Variants in PEX14 observed in about 807,000 individuals in gnomAD.
PEX14 encodes peroxisomal biogenesis factor 14.
PEX14 carries 15 observed loss-of-function variants against 49.5 expected under a neutral mutation model. The observed-to-expected ratio is 0.30, with a 90% CI of 0.20 to 0.47. The LOEUF is 0.47. PEX14 is among the 20% of genes least tolerant of loss of function. The pLI is 1.00. For missense variants in PEX14, 398 were observed against 494.8 expected, an observed-to-expected ratio of 0.80 and a Z score of 1.86; for synonymous variants, 210 against 212.7, an observed-to-expected ratio of 0.99 and a Z score of 0.11.
chr1:10,608,067 A>G (rs953089881), intron 4 of PEX14, among the ~76,000 whole-genome samples: 2 of 152,148 alleles, frequency 1.3e-5, no homozygotes, highest in Non-Finnish European at 2.9e-5. Context: ...TCACGGGCTC[A>G]AGTGATCCTC....
chr1:10,535,599 G>A (rs922129682), intron 2 of PEX14, among the ~76,000 whole-genome samples: 3 of 152,192 alleles, frequency 2.0e-5, no homozygotes, highest in Non-Finnish European at 4.4e-5. Flanking sequence ...TGCTTGCAGC[G>A]TAGTTGGGGA....
At chr1:10,485,151 C>A (rs1641345725) in intron 1 of PEX14, among the ~76,000 whole-genome samples, 2 of 151,548 alleles carry the variant, frequency 1.3e-5, no homozygotes, top group South Asian at 4.1e-4. Flanking sequence ...TTTGCGAGGA[C>A]ATATTCTTCA....
chr1:10,626,621 A>G (rs1314934395), intron 7 of PEX14, among the ~76,000 whole-genome samples: 1 of 152,206 alleles, frequency 6.6e-6, no homozygotes, highest in Non-Finnish European at 1.5e-5. Context: ...GAGCAGTATC[A>G]GGAGAGCTGG....
chr1:10,530,012 G>A (rs1390940233), intron 2 of PEX14, among the ~76,000 whole-genome samples: 1 of 152,160 alleles, frequency 6.6e-6, no homozygotes, highest in Non-Finnish European at 1.5e-5. Flanking sequence ...TTACCCAGGT[G>A]CAGGAGGCTA....
intron 5 of PEX14, among the ~76,000 whole-genome samples, chr1:10,620,046 C>T (rs1450599704): frequency 2.0e-5 from 3 of 151,850 alleles, no homozygotes; most frequent in Admixed American, 6.6e-5. Context: ...ACCTGGGAGG[C>T]GGAGCTTGCA....
intron 3 of PEX14, among the ~76,000 whole-genome samples, chr1:10,577,541 T>TAC (rs1640162179): frequency 4.1e-3 from 13 of 3,134 alleles, no homozygotes; most frequent in Non-Finnish European, 6.1e-3. Flanking sequence ...TATATATATA[T>TAC]ATATATATAT....
chr1:10,577,710 C>T (rs770696726), intron 3 of PEX14, among the ~76,000 whole-genome samples: 59 of 146,586 alleles, frequency 4.0e-4, no homozygotes, highest in Non-Finnish European at 7.5e-4. Flanking sequence ...ACGCCATTCT[C>T]CTGCCTCAGC....
At chr1:10,574,528 T>G (rs1055826278) in intron 3 of PEX14, among the ~76,000 whole-genome samples, 1 of 152,188 alleles carries the variant, frequency 6.6e-6, no homozygotes, top group Non-Finnish European at 1.5e-5. Context: ...TTAGTGCTAC[T>G]CATTATTAGA....
intron 2 of PEX14, among the ~76,000 whole-genome samples, chr1:10,530,470 C>T (rs547186912): frequency 1.3e-5 from 2 of 152,344 alleles, no homozygotes; most frequent in African/African-American, 4.8e-5. Flanking sequence ...TTTGGCTCTG[C>T]GCTTCTGCCG....
chr1:10,619,596 T>G (rs1641533506), intron 5 of PEX14, among the ~76,000 whole-genome samples: 1 of 152,024 alleles, frequency 6.6e-6, no homozygotes, highest in Non-Finnish European at 1.5e-5. Context: ...ATTACAGGCT[T>G]GAGCCACCGT....
At position 10,495,260 on chromosome 1, in the gene PEX14, A is replaced by G. The variant is rs757529825; in HGVS notation, c.37-14A>G. On this transcript the variant is annotated splice_polypyrimidine_tract_variant and intron_variant, in intron 1 of 8. Coordinates refer to ENST00000356607, the MANE Select transcript of PEX14 (RefSeq NM_004565.3). This position sits in a 1 kb window ranked among gnomAD's most constrained non-coding sequence, Gnocchi z 4.2. ...GCACTGTGATCTTATTTTTGTTTCC[A>G]TTTTTCTCTGCAGCCAAGCTCTACT... is the stretch of plus-strand genomic sequence containing the variant. 1.2e-6 allele frequency: 2 copies of G among 1,613,168 alleles called. No homozygotes were observed. The highest frequency in any genetic ancestry group is 2.7e-5 in the African/African-American group (2 of 74,678).
chr1:10,566,482 T>C (rs998970898), intron 3 of PEX14, among the ~76,000 whole-genome samples: 3 of 134,922 alleles, frequency 2.2e-5, no homozygotes, highest in African/African-American at 7.8e-5. Context: ...TATCATTTCT[T>C]TTATGACTTC....
chr1:10,557,079 T>A (rs955719537), intron 3 of PEX14, among the ~76,000 whole-genome samples: 2 of 152,200 alleles, frequency 1.3e-5, no homozygotes, highest in Non-Finnish European at 2.9e-5. Context: ...TTTTCCCTGC[T>A]TGATACTAGG....
At chr1:10,545,805 A>G (rs1192809665) in intron 3 of PEX14, among the ~76,000 whole-genome samples, 1 of 152,226 alleles carries the variant, frequency 6.6e-6, no homozygotes, top group Non-Finnish European at 1.5e-5. Flanking sequence ...ACACTTTGGG[A>G]GACTGAGACA....
chr1:10,534,120 C>G (rs1004154830), intron 2 of PEX14, among the ~76,000 whole-genome samples: 1 of 152,194 alleles, frequency 6.6e-6, no homozygotes, highest in Non-Finnish European at 1.5e-5. Flanking sequence ...TGCTTAAGAC[C>G]TGTTCATCCA....
intron 1 of PEX14, among the ~76,000 whole-genome samples, chr1:10,478,993 C>T (rs894712878): frequency 5.3e-5 from 8 of 151,996 alleles, no homozygotes; most frequent in Admixed American, 1.3e-4. Flanking sequence ...CCTCGTGATC[C>T]GCCCACCTCG....
At chr1:10,547,026 G>C (rs1485706179) in intron 3 of PEX14, among the ~76,000 whole-genome samples, 2 of 152,152 alleles carry the variant, frequency 1.3e-5, no homozygotes, top group Non-Finnish European at 2.9e-5. Context: ...CCTCTGTCCT[G>C]ATCAAGCAGT....
intron 2 of PEX14, among the ~76,000 whole-genome samples, chr1:10,505,781 A>G (rs954377746): frequency 6.6e-6 from 1 of 151,836 alleles, no homozygotes; most frequent in African/African-American, 2.4e-5. Flanking sequence ...CCCGGGTTCA[A>G]GTGATTCTTG....
At position 10,514,501 on chromosome 1, in the gene PEX14, A is replaced by G. The variant is rs1025779386; in HGVS notation, c.84+19180A>G. Among the ~76,000 whole-genome samples the G allele has an allele frequency of 2.0e-5, 3 of 152,056 alleles. No homozygotes were observed. The highest frequency in any genetic ancestry group is 6.6e-5 in the Admixed American group (1 of 15,260). On this transcript the variant is annotated intron_variant, in intron 2 of 8. Coordinates refer to ENST00000356607, the MANE Select transcript of PEX14 (RefSeq NM_004565.3). The surrounding 1 kb of genome is among the most constrained non-coding windows in gnomAD (Gnocchi z 4.4). ...CTTCTTGGTGAGTAGCTAATACCTTATTTTGTTCAAGGTTCCACGTTCACA... is the reference window on the plus strand; with the variant it reads ...CTTCTTGGTGAGTAGCTAATACCTTGTTTTGTTCAAGGTTCCACGTTCACA...
Sources: allele counts gnomAD v4.1 joint callset (sites outside exome capture counted in the v4.1 genomes callset), GRCh38; gene constraint gnomAD v4.1.1; non-coding constraint Gnocchi (gnomAD v3.1); transcripts MANE v1.5; gene names NCBI Gene and HGNC (gene_info 2026-07-23, HGNC 2026-07-21).